ZNF704: variants seen among roughly 807,000 people sequenced by gnomAD.
The protein encoded by ZNF704 is zinc finger protein 704.
ZNF704 carries 10 observed loss-of-function variants against 44.7 expected under a neutral mutation model. The observed-to-expected ratio is 0.22, with a 90% CI of 0.14 to 0.38. ZNF704 has a LOEUF of 0.38. Among genes scored for constraint, ZNF704 ranks in the 10% least tolerant of loss-of-function variants. The pLI is 1.00. For missense variants in ZNF704, 390 were observed against 545.5 expected, an observed-to-expected ratio of 0.71 and a Z score of 2.84; for synonymous variants, 211 against 207.6, an observed-to-expected ratio of 1.02 and a Z score of -0.14.
At chr8:80,750,621 T>G (rs191485161) in intron 2 of ZNF704, among the ~76,000 whole-genome samples, 25 of 152,200 alleles carry the variant, frequency 1.6e-4, no homozygotes, top group African/African-American at 5.8e-4. Context: ...GTTCACGCCA[T>G]TCTCCTGCCT....
At chr8:80,880,407 A>G in the ZNF704 span, among the ~76,000 whole-genome samples, 1 of 152,258 alleles carries the variant, frequency 6.6e-6, no homozygotes. Context: ...AAATATAATC[A>G]ATACTATCAC....
intron 1 of ZNF704, among the ~76,000 whole-genome samples, chr8:80,841,082 G>A (rs903550820): frequency 1.1e-4 from 16 of 152,248 alleles, no homozygotes; most frequent in South Asian, 4.1e-4. Context: ...AGAATACCCC[G>A]CACTGCCTCC....
intron 1 of ZNF704, among the ~76,000 whole-genome samples, chr8:80,855,124 T>C (rs1042087605): frequency 2.6e-5 from 4 of 152,188 alleles, no homozygotes; most frequent in Admixed American, 2.0e-4. Flanking sequence ...CCTTTCTTGT[T>C]CAATAGTATA....
chr8:80,650,796 A>G (rs1027850118), intron 7 of ZNF704, among the ~76,000 whole-genome samples: 2 of 152,192 alleles, frequency 1.3e-5, no homozygotes, highest in Admixed American at 6.5e-5. Flanking sequence ...CCAATATTCA[A>G]ATTCAGGAAA....
intron 1 of ZNF704, among the ~76,000 whole-genome samples, chr8:80,865,137 T>A (rs764749541): frequency 6.6e-6 from 1 of 152,182 alleles, no homozygotes; most frequent in Non-Finnish European, 1.5e-5. Context: ...TCAAAATAAC[T>A]GCAGGATTTT....
chr8:80,750,080 G>A (rs192120988), intron 2 of ZNF704, among the ~76,000 whole-genome samples: 2 of 152,238 alleles, frequency 1.3e-5, no homozygotes, highest in Admixed American at 1.3e-4. Context: ...ACTCCTCCTG[G>A]ATGGGCAAGT....
At chr8:80,884,034 T>A in the ZNF704 span, among the ~76,000 whole-genome samples, 1 of 152,402 alleles carries the variant, frequency 6.6e-6, no homozygotes, top group East Asian at 1.9e-4. Context: ...TATGCTGATA[T>A]AAATGCCACT....
At chr8:80,768,809 C>T (rs1187572696) in intron 2 of ZNF704, among the ~76,000 whole-genome samples, 1 of 152,132 alleles carries the variant, frequency 6.6e-6, no homozygotes, top group Non-Finnish European at 1.5e-5. Context: ...GGAGTATTTA[C>T]ACCAGAGAAA....
chr8:80,683,984 CT>C (rs1012438499), intron 4 of ZNF704, among the ~76,000 whole-genome samples: 3 of 152,198 alleles, frequency 2.0e-5, no homozygotes, highest in African/African-American at 2.4e-5. Flanking sequence ...GCTCCCTCCC[CT>C]TTTGTTTAGA....
At chr8:80,854,134 A>T (rs553984966) in intron 1 of ZNF704, among the ~76,000 whole-genome samples, 3 of 152,228 alleles carry the variant, frequency 2.0e-5, no homozygotes, top group Non-Finnish European at 4.4e-5. Context: ...TACACAAGAT[A>T]TTGTGTATGA....
At chr8:80,757,614 T>C (rs935707168) in intron 2 of ZNF704, among the ~76,000 whole-genome samples, 3 of 152,158 alleles carry the variant, frequency 2.0e-5, no homozygotes, top group Admixed American at 6.5e-5. Flanking sequence ...AGCCCTTCAC[T>C]TCACTCACCA....
rs371788541 is a variant in ZNF704, at chr8:80,665,079, G to A, written c.663C>T (p.Arg221=). 1.2e-5 allele frequency: 20 copies of A among 1,613,670 alleles called. No homozygotes were observed. Among genetic ancestry groups the A allele is most frequent in the African/African-American group, 9.3e-5 (7 of 74,922 alleles). ...CATCACTGTAGTCAGAGTCTCCAACGCGCCTAATGCAAAAGAGAGTAAAAC... is the reference window on the plus strand; with the variant it reads ...CATCACTGTAGTCAGAGTCTCCAACACGCCTAATGCAAAAGAGAGTAAAAC... ...QKHIRTIHLG[R]VGDSDYSDGE... Residue 221 remains arginine (R), a synonymous_variant, in exon 6 of 9, where the codon CGC becomes CGT. Transcript: ENST00000327835.
chr8:80,823,372 G>A (rs1808312544), intron 1 of ZNF704, among the ~76,000 whole-genome samples: 1 of 152,240 alleles, frequency 6.6e-6, no homozygotes, highest in Non-Finnish European at 1.5e-5. Context: ...AAGGCTGGGG[G>A]AGGGGCATCA....
At chr8:80,724,519 CT>C (rs1806441330) in intron 2 of ZNF704, among the ~76,000 whole-genome samples, 2 of 152,188 alleles carry the variant, frequency 1.3e-5, no homozygotes, top group Admixed American at 6.5e-5. Context: ...ATGTCTTTAA[CT>C]CTCGATACTC....
At chr8:80,752,349 C>A (rs1345017091) in intron 2 of ZNF704, among the ~76,000 whole-genome samples, 1 of 151,584 alleles carries the variant, frequency 6.6e-6, no homozygotes, top group Non-Finnish European at 1.5e-5. Context: ...ATAAAGTAAA[C>A]CTTTATCAAG....
intron 7 of ZNF704, among the ~76,000 whole-genome samples, chr8:80,655,178 C>T (rs910033849): frequency 2.0e-5 from 3 of 151,692 alleles, no homozygotes; most frequent in Admixed American, 1.3e-4. Flanking sequence ...ACATCACACA[C>T]CAGGGCCTGT....
intron 3 of ZNF704, among the ~76,000 whole-genome samples, chr8:80,691,402 C>T (rs1308298242): frequency 6.6e-6 from 1 of 152,180 alleles, no homozygotes; most frequent in African/African-American, 2.4e-5. Context: ...TGATGGAAAA[C>T]TCAGTCTTTT....
chr8:80,636,607 C>T lies in ZNF704; in HGVS notation c.*4759G>A, dbSNP rs1817665982. 6.6e-6 allele frequency: 1 copy of T among 152,224 alleles called. No homozygotes were observed. Among genetic ancestry groups the T allele is most frequent in the African/African-American group, 2.4e-5 (1 of 41,452 alleles). The allele number at this position is 152,224 out of a possible 1,614,324, so 9.4% of individuals were successfully genotyped here. A position where few individuals can be genotyped will look rare whatever the true frequency, so the allele number is the denominator to read the frequency against. ...GAGGAATCCCCACAGGTATGAGGAA[C>T]AGGAACAGTCCGTGCCGCTGGTAGG... On this transcript the variant is annotated 3_prime_UTR_variant, in exon 9 of 9. Coordinates refer to ENST00000327835, the MANE Select transcript of ZNF704 (RefSeq NM_001033723.3).
intron 2 of ZNF704, among the ~76,000 whole-genome samples, chr8:80,722,868 C>T (rs563771419): frequency 8.7e-4 from 133 of 152,260 alleles, no homozygotes; most frequent in African/African-American, 3.1e-3. Flanking sequence ...CTGTGAATTG[C>T]CTCAGGAAGG....
Sources: allele counts gnomAD v4.1 joint callset (sites outside exome capture counted in the v4.1 genomes callset), GRCh38; gene constraint gnomAD v4.1.1; transcripts MANE v1.5; gene names NCBI Gene and HGNC (gene_info 2026-07-23, HGNC 2026-07-21).